ABLIM1: variants seen among roughly 807,000 people sequenced by gnomAD.
ABLIM1 encodes the protein actin-binding LIM protein 1.
Under a neutral mutation model 107.0 loss-of-function variants are expected in ABLIM1, and 40 were observed. The observed-to-expected ratio is 0.37, with a 90% CI of 0.29 to 0.49. The LOEUF (loss-of-function observed/expected upper bound fraction) is 0.49, where lower values mean the gene tolerates loss of function less well. ABLIM1 is among the 20% of genes least tolerant of loss of function. The pLI, the probability that ABLIM1 is intolerant of heterozygous loss-of-function variation, is 0.97. For synonymous variants in ABLIM1, 357 were observed against 357.3 expected (o/e 1.00, Z 0.01); for missense variants, 857 against 1,008.5 (o/e 0.85, Z 2.04).
chr10:114,762,311 G>A (rs2082766355), intron 1 of ABLIM1, among the ~76,000 whole-genome samples: 1 of 152,136 alleles, frequency 6.6e-6, no homozygotes, highest in Non-Finnish European at 1.5e-5. Flanking sequence ...GGGATTACAG[G>A]CGTGAGCCAC....
intron 14 of ABLIM1, chr10:114,450,177 CAT>C (rs578087448): frequency 1.9e-5 from 6 of 308,006 alleles, no homozygotes; most frequent in Admixed American, 5.0e-5. Flanking sequence ...TAAACATTCA[CAT>C]GTTAATGAGT....
At chr10:114,785,121 T>G in the ABLIM1 span, among the ~76,000 whole-genome samples, 2 of 152,258 alleles carry the variant, frequency 1.3e-5, no homozygotes, top group African/African-American at 4.8e-5. Flanking sequence ...TTTTTCAGAT[T>G]AATATTTAAA....
At chr10:114,671,106 C>G (rs1387413530) in intron 1 of ABLIM1, among the ~76,000 whole-genome samples, 2 of 152,164 alleles carry the variant, frequency 1.3e-5, no homozygotes, top group African/African-American at 4.8e-5. Flanking sequence ...ATCCCCATCC[C>G]TCCAGATAGC....
At chr10:114,476,090 T>C (rs922858358) in intron 8 of ABLIM1, among the ~76,000 whole-genome samples, 7 of 152,204 alleles carry the variant, frequency 4.6e-5, no homozygotes, top group Non-Finnish European at 1.0e-4. Context: ...ATTTGACTCA[T>C]TGCTGGAAGA....
chr10:114,559,463 G>T (rs60745451), intron 4 of ABLIM1, among the ~76,000 whole-genome samples: 1 of 38,174 alleles, frequency 2.6e-5, no homozygotes. Context: ...AAAAAAAAAA[G>T]AAAGAAAGAA....
intron 7 of ABLIM1, 113 bp from the exon 8 acceptor site, chr10:114,488,129 G>T (rs574356672): frequency 1.8e-6 from 2 of 1,141,254 alleles, no homozygotes; most frequent in Non-Finnish European, 2.6e-6. Flanking sequence ...ATAGGAAGGT[G>T]TTATTGCTTT....
In ABLIM1 at chr10:114,520,135, A is replaced by T. The variant is rs149740120; in HGVS notation, c.894+24870T>A. On this transcript the variant is annotated intron_variant, in intron 6 of 22. Transcript: ENST00000533213. ...GCTGCTGAAGCCTCTGGGCAGGGCCATAGTAAACAGTCTCCACCTCAACTC... is the reference window on the plus strand; with the variant it reads ...GCTGCTGAAGCCTCTGGGCAGGGCCTTAGTAAACAGTCTCCACCTCAACTC... 2.6e-3 allele frequency among the ~76,000 whole-genome samples: 392 copies of T among 152,372 alleles called. 9 individuals carry two copies. The East Asian group carries it at 0.042, about 16-fold the overall frequency.
At chr10:114,567,229 C>G (rs745731607) in intron 4 of ABLIM1, among the ~76,000 whole-genome samples, 3 of 152,174 alleles carry the variant, frequency 2.0e-5, no homozygotes, top group Non-Finnish European at 2.9e-5. Context: ...AGAGTGATAC[C>G]TACATCATCA....
intron 2 of ABLIM1, among the ~76,000 whole-genome samples, chr10:114,578,890 G>A (rs915548188): frequency 6.7e-6 from 1 of 148,502 alleles, no homozygotes; most frequent in Non-Finnish European, 1.5e-5. Flanking sequence ...GGGTTCAAGC[G>A]ATTCTCCTGT....
chr10:114,595,205 T>C (rs1056756107), intron 2 of ABLIM1: 4 of 151,336 alleles, frequency 2.6e-5, no homozygotes, highest in African/African-American at 9.7e-5. Flanking sequence ...ACAATAGTTA[T>C]AATGAATTAT....
At chr10:114,594,595 C>T (rs2075235600) in intron 2 of ABLIM1, among the ~76,000 whole-genome samples, 1 of 151,976 alleles carries the variant, frequency 6.6e-6, no homozygotes, top group South Asian at 2.1e-4. Flanking sequence ...ACTAAAAATA[C>T]AAAAATTATC....
chr10:114,779,033 C>G, the ABLIM1 span: 1 of 152,160 alleles, frequency 6.6e-6, no homozygotes, highest in Non-Finnish European at 1.5e-5. Context: ...GCATTAGAAG[C>G]CTCATCTTCA....
intron 2 of ABLIM1, among the ~76,000 whole-genome samples, chr10:114,584,219 T>G (rs189998978): frequency 2.6e-5 from 4 of 152,190 alleles, no homozygotes; most frequent in Non-Finnish European, 5.9e-5. Flanking sequence ...GGCTGTCATG[T>G]GCTAGAGCTG....
In ABLIM1 at chr10:114,444,151, G is replaced by GTA; in HGVS notation, c.1828-18_1828-17insTA. 4.2e-5 allele frequency: 52 copies of GTA among 1,238,870 alleles called. No homozygotes were observed. The highest frequency in any genetic ancestry group is 4.7e-5 in the Non-Finnish European group (45 of 948,502). The allele number at this position is 1,238,870 out of a possible 1,614,324, so 76.7% of individuals were successfully genotyped here. On this transcript the variant is annotated splice_polypyrimidine_tract_variant and intron_variant, in intron 16 of 22. Transcript: ENST00000533213. ...TGAGTTAAGCTATTCACAGAAAAAA[G>GTA]GAAAAAAAAAAAAAAAAGAAAGCAA...
intron 1 of ABLIM1, among the ~76,000 whole-genome samples, chr10:114,762,196 C>A (rs2142622859): frequency 6.6e-6 from 1 of 152,202 alleles, no homozygotes; most frequent in East Asian, 1.9e-4. Flanking sequence ...CCACGCCCAG[C>A]TAATTTTTTT....
chr10:114,613,561 C>A, intron 1 of ABLIM1: 1 of 710,384 alleles, frequency 1.4e-6, no homozygotes. Context: ...GCTTTTCATT[C>A]AAGTGCTTAT....
At chr10:114,560,143 T>C (rs1318043284) in intron 4 of ABLIM1, among the ~76,000 whole-genome samples, 1 of 152,190 alleles carries the variant, frequency 6.6e-6, no homozygotes. Flanking sequence ...CCTTAAAATG[T>C]ACCAAGACCC....
intron 2 of ABLIM1, among the ~76,000 whole-genome samples, chr10:114,587,316 C>T (rs1380331262): frequency 6.6e-6 from 1 of 152,080 alleles, no homozygotes; most frequent in Non-Finnish European, 1.5e-5. Flanking sequence ...ATTTCCCACA[C>T]CCTCTACACA....
intron 1 of ABLIM1, among the ~76,000 whole-genome samples, chr10:114,623,318 CTT>C (rs1391633089): frequency 6.6e-6 from 1 of 152,194 alleles, no homozygotes; most frequent in Admixed American, 6.5e-5. Flanking sequence ...GAAAAAGTAA[CTT>C]AAACTTCCTG....
Sources: allele counts gnomAD v4.1 joint callset (sites outside exome capture counted in the v4.1 genomes callset), GRCh38; gene constraint gnomAD v4.1.1; transcripts MANE v1.5; gene names NCBI Gene and HGNC (gene_info 2026-07-23, HGNC 2026-07-21).